The following PRPF40B variants were observed in gnomAD, a reference collection of about 807,000 sequenced individuals.
PRPF40B encodes pre-mRNA-processing factor 40 homolog B.
Under a neutral mutation model 124.5 loss-of-function variants are expected in PRPF40B, and 56 were observed. The observed-to-expected ratio is 0.45, with a 90% CI of 0.36 to 0.56. The LOEUF (loss-of-function observed/expected upper bound fraction) is 0.56, where lower values mean the gene tolerates loss of function less well. Among genes scored for constraint, PRPF40B ranks in the 20% least tolerant of loss-of-function variants. PRPF40B has a pLI of 0.00. For synonymous variants in PRPF40B, 443 were observed against 426.4 expected (o/e 1.04, Z -0.48); for missense variants, 1,053 against 1,169.5 (o/e 0.90, Z 1.45).
intron 16 of PRPF40B, 111 bp downstream of exon 16, chr12:49,636,960 C>A: frequency 6.6e-7 from 1 of 1,509,702 alleles, no homozygotes; most frequent in Non-Finnish European, 9.0e-7. Flanking sequence ...CTGTGCCTAG[C>A]CCTGTCCAAG....
rs3751214 is a variant in PRPF40B at position 49,643,698 on chromosome 12, C to T, written c.2388C>T (p.Gly796=). ...PSSHLLGADH[G]LRKAKKPKKK... is the part of the protein sequence containing the mutation. Reference sequence around the variant, plus strand: ...GGATTTTTCTATCTCTAGATCATGGCCTTCGGAAAGCCAAGAAACCAAAAA... The same window carrying T: ...GGATTTTTCTATCTCTAGATCATGGTCTTCGGAAAGCCAAGAAACCAAAAA... The change falls in exon 24 of 26, where the codon GGC becomes GGT. Residue 796 remains glycine, a synonymous_variant. Transcript: ENST00000548825. The T allele has an allele frequency of 1.4e-5, 23 of 1,613,890 alleles. No individual in the cohort carries two copies. The East Asian group carries it at 4.5e-4, about 31-fold the overall frequency.
In PRPF40B at chr12:49,643,921, GAAC is replaced by G; in HGVS notation, c.2506_2508del (p.Gln836del). On this transcript the variant is annotated inframe_deletion, in exon 25 of 26. Coordinates refer to ENST00000548825, the MANE Select transcript of PRPF40B (RefSeq NM_001031698.3). ...AGCTGGCAAGGAGAGCGATGAGAAA[GAAC>G]AAGAACAGGACAAGGACAGGGAGCT... The G allele has an allele frequency of 1.9e-6, 3 of 1,614,222 alleles. No individual in the cohort carries two copies. The highest frequency in any genetic ancestry group is 2.5e-6 in the Non-Finnish European group (3 of 1,180,046).
At chr12:49,641,704 G>A in intron 18 of PRPF40B, 1 of 581,706 alleles carries the variant, frequency 1.7e-6, no homozygotes, top group Non-Finnish European at 3.1e-6. Context: ...AGCTCTGTGT[G>A]ACATCCAAAC....
chr12:49,633,435 G>C lies in PRPF40B; in HGVS notation c.468G>C (p.Leu156=), dbSNP rs774656758. 1 of 1,614,162 alleles carries C rather than the reference G, an allele frequency of 6.2e-7. No individual in the cohort carries two copies. Among genetic ancestry groups the C allele is most frequent in the East Asian group, 2.2e-5 (1 of 44,884 alleles). ...SVLKSKAELL[L]SQCPWKEYKS... ...ATCCCATCCACTTGCAGCTGCTCCT[G>C]TCCCAATGTCCCTGGAAAGAGTACA... The change falls in exon 8 of 26, where the codon CTG becomes CTC. Residue 156 remains leucine (L), a synonymous_variant. Coordinates refer to ENST00000548825, the MANE Select transcript of PRPF40B (RefSeq NM_001031698.3).
chr12:49,632,772 G>T, intron 5 of PRPF40B, 83 bp from the exon 6 acceptor site: 1 of 1,604,678 alleles, frequency 6.2e-7, no homozygotes, highest in Non-Finnish European at 8.5e-7. Flanking sequence ...CTATTTACTG[G>T]GGCTGGAATA....
In PRPF40B at chr12:49,636,698, C is replaced by T. The variant is rs1941854617; in HGVS notation, c.1427-18C>T. On this transcript the variant is annotated intron_variant, in intron 15 of 25. Coordinates refer to ENST00000548825, the MANE Select transcript of PRPF40B (RefSeq NM_001031698.3). ...TCCTGCTGGGACAATGCCCGCGGAACCTCCTGCCTGTCTTTAGACATGGAC... is the reference window on the plus strand; with the variant it reads ...TCCTGCTGGGACAATGCCCGCGGAATCTCCTGCCTGTCTTTAGACATGGAC... 4.3e-6 allele frequency: 7 copies of T among 1,613,636 alleles called. No homozygotes were observed. Among genetic ancestry groups the T allele is most frequent in the Non-Finnish European group, 5.9e-6 (7 of 1,179,596 alleles).
In PRPF40B at chr12:49,635,044, CAG is replaced by C; in HGVS notation, c.1002-52_1002-51del. The C allele has an allele frequency of 6.6e-7, 1 of 1,526,390 alleles. No homozygotes were observed. The highest frequency in any genetic ancestry group is 1.2e-5 in the South Asian group (1 of 80,784). The allele number at this position is 1,526,390 out of a possible 1,614,324, so 94.6% of individuals were successfully genotyped here. On this transcript the variant is annotated intron_variant, in intron 12 of 25. Coordinates refer to ENST00000548825, the MANE Select transcript of PRPF40B (RefSeq NM_001031698.3). This position sits in a 1 kb window ranked among gnomAD's most constrained non-coding sequence, Gnocchi z 4.1. ...TCATGACCCTCCAGTGTGGGCTGTG[CAG>C]AGTGGTTCGGGTGACTTCTCTATCC...
Position 49,634,105 on chromosome 12 carries a change from C to T in PRPF40B, c.812+13C>T, listed in dbSNP as rs1941507791. The T allele has an allele frequency of 1.9e-6, 3 of 1,608,276 alleles. No individual in the cohort carries two copies. The highest frequency in any genetic ancestry group is 2.5e-6 in the Non-Finnish European group (3 of 1,177,390). ...AGGGCCCCAGCAGGTGAGGGCTGCCCCCCATGGCATTCCCAATGTTGGCCT... is the reference window on the plus strand; with the variant it reads ...AGGGCCCCAGCAGGTGAGGGCTGCCTCCCATGGCATTCCCAATGTTGGCCT... On this transcript the variant is annotated intron_variant, in intron 10 of 25. Transcript: ENST00000548825.
At chr12:49,636,959 G>C (rs1941900853) in intron 16 of PRPF40B, 110 bp downstream of exon 16, 1 of 1,517,676 alleles carries the variant, frequency 6.6e-7, no homozygotes. Context: ...TCTGTGCCTA[G>C]CCCTGTCCAA....
chr12:49,637,911 A>G, intron 18 of PRPF40B, 87 bp downstream of exon 18: 1 of 1,117,160 alleles, frequency 9.0e-7, no homozygotes, highest in Non-Finnish European at 1.3e-6. Context: ...CCTGTTTTGC[A>G]GAAGCATTAC....
chr12:49,634,227 G>A, intron 10 of PRPF40B, 105 bp from the exon 11 acceptor site: 1 of 1,590,712 alleles, frequency 6.3e-7, no homozygotes, highest in Non-Finnish European at 8.6e-7. Context: ...GCAGAAAAAG[G>A]CTGCCCTGGG....
intron 1 of PRPF40B, among the ~76,000 whole-genome samples, chr12:49,628,744 T>A (rs1055621545): frequency 1.3e-5 from 2 of 151,770 alleles, no homozygotes; most frequent in African/African-American, 4.8e-5. Context: ...GTTTTTGTAT[T>A]TTTAGTAGAG....
Position 49,632,997 on chromosome 12 carries a change from C to CG in PRPF40B, c.349-17_349-16insG, listed in dbSNP as rs553670747. On this transcript the variant is annotated splice_polypyrimidine_tract_variant and intron_variant, in intron 6 of 25. Coordinates refer to ENST00000548825, the MANE Select transcript of PRPF40B (RefSeq NM_001031698.3). The stretch of plus-strand genomic sequence containing the variant: ...AAGGGGCCTTGACCACCATTCTGTG[C>CG]CCCCCCCCCCACCCAGAGGGCCCTA... The CG allele has an allele frequency of 2.2e-5, 5 of 230,062 alleles. No homozygotes were observed. The allele number at this position is 230,062 out of a possible 1,614,324, so 14.3% of individuals were successfully genotyped here.
Position 49,641,954 on chromosome 12 carries a change from C to T in PRPF40B, c.1814C>T (p.Ala605Val). 1 of 1,613,930 alleles carries T rather than the reference C, an allele frequency of 6.2e-7. No homozygotes were observed. Among genetic ancestry groups the T allele is most frequent in the Non-Finnish European group, 8.5e-7 (1 of 1,180,044 alleles). Residue 605 changes from alanine (A) to valine (V), a missense_variant, in exon 19 of 26, where the codon GCC becomes GTC. This residue lies in a region of PRPF40B where 895 missense variants were observed against 1,052.2 expected (regional missense o/e 0.85). Transcript: ENST00000548825. ...VEVNTAFEDFAHVISFDKRAA... is the reference protein window; with the variant it reads ...VEVNTAFEDFVHVISFDKRAA... ...GTGAACACGGCCTTTGAGGACTTCGCCCACGTCATAAGCTTTGACAAGAGG... is the reference window on the plus strand; with the variant it reads ...GTGAACACGGCCTTTGAGGACTTCGTCCACGTCATAAGCTTTGACAAGAGG...
At chr12:49,637,218 TTC>T (rs1443477603) in intron 16 of PRPF40B, 4 of 568,874 alleles carry the variant, frequency 7.0e-6, no homozygotes, top group Non-Finnish European at 1.3e-5. Context: ...GCAGGCAGGT[TTC>T]TGTTTCTTTG....
intron 1 of PRPF40B, among the ~76,000 whole-genome samples, chr12:49,628,467 G>A (rs1249374705): frequency 6.6e-6 from 1 of 152,078 alleles, no homozygotes; most frequent in Non-Finnish European, 1.5e-5. Context: ...TGTTGGCCAA[G>A]CTGGTCTCGA....
chr12:49,634,087 C>T lies in PRPF40B; in HGVS notation c.807C>T (p.Pro269=), dbSNP rs1231112136. The change falls in exon 10 of 26, where the codon CCC becomes CCT. Residue 269 remains proline (P), a synonymous_variant. Transcript: ENST00000548825. ...QGFLQQLEEG[P]SSSGQHQPQQ... ...TCCTGCAGCAGCTGGAGGAGGGCCC[C>T]AGCAGGTGAGGGCTGCCCCCCATGG... The T allele has an allele frequency of 6.2e-7, 1 of 1,612,102 alleles. No individual in the cohort carries two copies. The highest frequency in any genetic ancestry group is 8.5e-7 in the Non-Finnish European group (1 of 1,179,674).
chr12:49,623,791 C>T, intron 1 of PRPF40B, 198 bp downstream of exon 1: 1 of 1,151,010 alleles, frequency 8.7e-7, no homozygotes, highest in South Asian at 4.4e-5. Flanking sequence ...GCGGGGGAGG[C>T]CATGATGGAG....
At chr12:49,625,031 T>C (rs975082021) in intron 1 of PRPF40B, among the ~76,000 whole-genome samples, 2 of 152,216 alleles carry the variant, frequency 1.3e-5, no homozygotes, top group African/African-American at 4.8e-5. Context: ...CCAGCTGGTC[T>C]CTCAGCCTTT....
Sources: gnomAD v4.1 joint callset for allele counts (sites outside exome capture counted in the v4.1 genomes callset) on GRCh38, gnomAD v4.1.1 for gene constraint, gnomAD v4.1.1 regional missense constraint, Gnocchi (gnomAD v3.1) non-coding constraint, MANE v1.5 for transcripts, NCBI Gene and HGNC (gene_info 2026-07-23, HGNC 2026-07-21) for gene names.